PCDHGC5: variants seen among roughly 807,000 people sequenced by gnomAD.
PCDHGC5 encodes the protein protocadherin gamma subfamily C, 5.
A neutral mutation model predicts 59.0 loss-of-function variants in PCDHGC5; 25 were observed. The observed-to-expected ratio is 0.42, with a 90% CI of 0.31 to 0.59. PCDHGC5 has a LOEUF of 0.59. Ranked by LOEUF, PCDHGC5 falls within the 20% of genes least tolerant of loss-of-function variation. The pLI is 0.13. For missense variants in PCDHGC5, 1,067 were observed against 1,206.4 expected, an observed-to-expected ratio of 0.88 and a Z score of 1.71; for synonymous variants, 434 against 505.5, an observed-to-expected ratio of 0.86 and a Z score of 1.90.
At chr5:141,509,486 A>G (rs1022659275) in intron 3 of PCDHGC5, among the ~76,000 whole-genome samples, 10 of 152,132 alleles carry the variant, frequency 6.6e-5, no homozygotes, top group African/African-American at 2.4e-4. Flanking sequence ...GGTAGAGGTG[A>G]TGGCATGCTG....
At chr5:141,504,135 C>G (rs758903340) in intron 2 of PCDHGC5, among the ~76,000 whole-genome samples, 215 of 152,306 alleles carry the variant, frequency 1.4e-3, no homozygotes, top group Middle Eastern at 3.4e-3. Context: ...CCCGCCAACA[C>G]TCCCCTGCAA....
intron 2 of PCDHGC5, among the ~76,000 whole-genome samples, chr5:141,496,189 G>T (rs1362938002): frequency 1.3e-5 from 2 of 152,004 alleles, no homozygotes; most frequent in African/African-American, 4.8e-5. Context: ...AGCCCCAGCT[G>T]CTCATTTCAA....
chr5:141,496,737 C>T (rs900394639), intron 2 of PCDHGC5, among the ~76,000 whole-genome samples: 9 of 152,168 alleles, frequency 5.9e-5, no homozygotes, highest in African/African-American at 2.2e-4. Context: ...TTCATTCGTT[C>T]ATTTATTCAA....
Position 141,490,089 on chromosome 5 carries a change from C to G in PCDHGC5, c.849C>G (p.Asp283Glu). The change falls in exon 1 of 4, where the codon GAC becomes GAG. Residue 283 changes from aspartate to glutamate, a missense_variant. Transcript: ENST00000252087. This position sits in a 1 kb window ranked among gnomAD's most constrained non-coding sequence, Gnocchi z 5.4. ...TNGQLDYSFG[D>E]HTSEAVRNLF... ...GCCAACTAGACTATTCTTTTGGAGACCACACATCTGAGGCAGTGCGGAACC... is the reference window on the plus strand; with the variant it reads ...GCCAACTAGACTATTCTTTTGGAGAGCACACATCTGAGGCAGTGCGGAACC... 1 of 1,614,232 alleles carries G rather than the reference C, an allele frequency of 6.2e-7. No homozygotes were observed. The highest frequency in any genetic ancestry group is 8.5e-7 in the Non-Finnish European group (1 of 1,180,026).
chr5:141,496,132 C>T (rs865808904), intron 2 of PCDHGC5, among the ~76,000 whole-genome samples: 1 of 152,058 alleles, frequency 6.6e-6, no homozygotes, highest in African/African-American at 2.4e-5. Flanking sequence ...CCCTCACACA[C>T]TGAGCCTTTG....
rs1253223100 is a variant in PCDHGC5 at position 141,493,049 on chromosome 5, T to C, written c.2460+1349T>C. Among the ~76,000 whole-genome samples the C allele has an allele frequency of 6.6e-6, 1 of 152,188 alleles. No homozygotes were observed. Among genetic ancestry groups the C allele is most frequent in the Non-Finnish European group, 1.5e-5 (1 of 68,032 alleles). Reference sequence around the variant, plus strand: ...GCCCTTATGTGTGAGGAAACTACAATAGTAAAAAACACAAGTTTCTCCAAC... The same window carrying C: ...GCCCTTATGTGTGAGGAAACTACAACAGTAAAAAACACAAGTTTCTCCAAC... On this transcript the variant is annotated intron_variant, in intron 1 of 3. Transcript: ENST00000252087. This position sits in a 1 kb window ranked among gnomAD's most constrained non-coding sequence, Gnocchi z 4.3.
chr5:141,502,500 G>C (rs1398797155), intron 2 of PCDHGC5, among the ~76,000 whole-genome samples: 1 of 152,046 alleles, frequency 6.6e-6, no homozygotes, highest in Non-Finnish European at 1.5e-5. Flanking sequence ...ATCTAACGTC[G>C]GCCTGTCCCA....
intron 2 of PCDHGC5, among the ~76,000 whole-genome samples, chr5:141,496,767 T>C (rs2099771224): frequency 6.6e-6 from 1 of 152,040 alleles, no homozygotes; most frequent in Non-Finnish European, 1.5e-5. Flanking sequence ...ATCGAGCATC[T>C]ACTATGAGCA....
In PCDHGC5 at chr5:141,490,959, C is replaced by T. The variant is rs1385897960; in HGVS notation, c.1719C>T (p.His573=). The part of the protein sequence containing the change: ...AVLHPRPDWE[H]SAPQRLPRSA... ...TGCACCCACGGCCAGACTGGGAACA[C>T]TCAGCCCCCCAGCGTCTCCCTCGCT... The change falls in exon 1 of 4, where the codon CAC becomes CAT. Residue 573 remains histidine, a synonymous_variant. Transcript: ENST00000252087. The surrounding 1 kb of genome is among the most constrained non-coding windows in gnomAD (Gnocchi z 5.4). 6.2e-7 allele frequency: 1 copy of T among 1,613,844 alleles called. No individual in the cohort carries two copies. Among genetic ancestry groups the T allele is most frequent in the South Asian group, 1.1e-5 (1 of 91,038 alleles).
intron 2 of PCDHGC5, among the ~76,000 whole-genome samples, chr5:141,502,107 C>T (rs1292131951): frequency 6.6e-6 from 1 of 152,192 alleles, no homozygotes; most frequent in East Asian, 1.9e-4. Context: ...TGACCCTGCA[C>T]CCTCAGCCAG....
chr5:141,497,544 T>C (rs1410779650), intron 2 of PCDHGC5, among the ~76,000 whole-genome samples: 4 of 150,796 alleles, frequency 2.7e-5, no homozygotes, highest in African/African-American at 9.8e-5. Flanking sequence ...ACAAACCTTT[T>C]TTTTTTTTTT....
chr5:141,489,707 G>A lies in PCDHGC5; in HGVS notation c.467G>A (p.Ser156Asn). 6.2e-7 allele frequency: 1 copy of A among 1,614,194 alleles called. No individual in the cohort carries two copies. Among genetic ancestry groups the A allele is most frequent in the Non-Finnish European group, 8.5e-7 (1 of 1,180,022 alleles). The stretch of plus-strand genomic sequence containing the variant: ...TCTGGGGCACGATTCCCACTGGACA[G>A]TGCCCAGGATCCGGATGTGGGCACC... ...AASGARFPLD[S>N]AQDPDVGTNT... Residue 156 changes from serine to asparagine, a missense_variant, in exon 1 of 4, where the codon AGT becomes AAT. Transcript: ENST00000252087. The surrounding 1 kb of genome is among the most constrained non-coding windows in gnomAD (Gnocchi z 4.5).
chr5:141,490,981 C>T lies in PCDHGC5; in HGVS notation c.1741C>T (p.Arg581Cys). 19 of 1,614,096 alleles carry T rather than the reference C, an allele frequency of 1.2e-5. No homozygotes were observed. The highest frequency in any genetic ancestry group is 1.5e-5 in the Non-Finnish European group (18 of 1,180,018). ...WEHSAPQRLP[R>C]SAPPGSLVTK... Reference sequence around the variant, plus strand: ...ACACTCAGCCCCCCAGCGTCTCCCTCGCTCTGCTCCTCCTGGCTCCTTGGT... The same window carrying T: ...ACACTCAGCCCCCCAGCGTCTCCCTTGCTCTGCTCCTCCTGGCTCCTTGGT... Residue 581 changes from arginine to cysteine, a missense_variant, in exon 1 of 4, where the codon CGC (arginine) becomes TGC (cysteine). Transcript: ENST00000252087. The surrounding 1 kb of genome is among the most constrained non-coding windows in gnomAD (Gnocchi z 5.4).
Position 141,489,699 on chromosome 5 carries a change from A to G in PCDHGC5, c.459A>G (p.Pro153=). ...SESAASGARF[P]LDSAQDPDVG... ...CAGCAGCATCTGGGGCACGATTCCC[A>G]CTGGACAGTGCCCAGGATCCGGATG... is the stretch of plus-strand genomic sequence containing the variant. The change falls in exon 1 of 4, where the codon CCA becomes CCG. Residue 153 remains proline, a synonymous_variant. Transcript: ENST00000252087. The surrounding 1 kb of genome is among the most constrained non-coding windows in gnomAD (Gnocchi z 4.5). The G allele has an allele frequency of 6.2e-7, 1 of 1,614,102 alleles. No homozygotes were observed. The highest frequency in any genetic ancestry group is 8.5e-7 in the Non-Finnish European group (1 of 1,179,956).
At position 141,489,185 on chromosome 5, in the gene PCDHGC5, T is replaced by TCTA; in HGVS notation, c.-54_-52dup. Reference sequence around the variant, plus strand: ...CAGCTGCTGCATTCCAAGCCCTGGGTCTACCTTGGAGACAGGACAGCACAG... The same window carrying TCTA: ...CAGCTGCTGCATTCCAAGCCCTGGGTCTACTACCTTGGAGACAGGACAGCACAG... On this transcript the variant is annotated 5_prime_UTR_variant, in exon 1 of 4. Coordinates refer to ENST00000252087, the MANE Select transcript of PCDHGC5 (RefSeq NM_018929.3). This position sits in a 1 kb window ranked among gnomAD's most constrained non-coding sequence, Gnocchi z 4.5. 7.8e-7 allele frequency: 1 copy of TCTA among 1,286,838 alleles called. No homozygotes were observed. The highest frequency in any genetic ancestry group is 1.5e-5 in the South Asian group (1 of 65,798). The allele number at this position is 1,286,838 out of a possible 1,614,324, so 79.7% of individuals were successfully genotyped here.
chr5:141,503,777 G>A (rs2099830497), intron 2 of PCDHGC5, among the ~76,000 whole-genome samples: 1 of 152,074 alleles, frequency 6.6e-6, no homozygotes, highest in South Asian at 2.1e-4. Context: ...TCTGTTCTTA[G>A]GCTGAGTTCA....
Position 141,511,400 on chromosome 5 carries a change from T to C in PCDHGC5, c.*227T>C. The C allele has an allele frequency of 2.0e-6, 2 of 982,250 alleles. No individual in the cohort carries two copies. Among genetic ancestry groups the C allele is most frequent in the Non-Finnish European group, 2.9e-6 (2 of 688,054 alleles). The allele number at this position is 982,250 out of a possible 1,614,324, so 60.8% of individuals were successfully genotyped here. On this transcript the variant is annotated 3_prime_UTR_variant, in exon 4 of 4. Coordinates refer to ENST00000252087, the MANE Select transcript of PCDHGC5 (RefSeq NM_018929.3). ...AGTTCCGCTGGGAACCCCCATCCAA[T>C]CAACTGCTGTACCCATGGGGGTAGT...
intron 2 of PCDHGC5, among the ~76,000 whole-genome samples, chr5:141,503,132 CCT>C (rs1388312522): frequency 6.6e-6 from 1 of 151,994 alleles, no homozygotes; most frequent in Non-Finnish European, 1.5e-5. Flanking sequence ...TCTGGTAGCC[CCT>C]GACACAGCCC....
At chr5:141,505,275 AGGTCTTGGGCATGGGGTAG>A (rs1251192617) in intron 2 of PCDHGC5, 99 bp from the exon 3 acceptor site, 87 of 1,525,470 alleles carry the variant, frequency 5.7e-5, no homozygotes, top group Non-Finnish European at 2.0e-5. Context: ...TGAGAGAAAC[AGGTCTTGGGCATGGGGTAG>A]GGTTAGGGTA....
Sources: gnomAD v4.1 joint callset for allele counts (sites outside exome capture counted in the v4.1 genomes callset) on GRCh38, gnomAD v4.1.1 for gene constraint, Gnocchi (gnomAD v3.1) non-coding constraint, MANE v1.5 for transcripts, NCBI Gene and HGNC (gene_info 2026-07-23, HGNC 2026-07-21) for gene names.